The following SLCO4A1 variants were observed in gnomAD, a reference collection of about 807,000 sequenced individuals.
SLCO4A1 encodes solute carrier organic anion transporter family member 4A1.
SLCO4A1 carries 51 observed loss-of-function variants against 64.6 expected under a neutral mutation model. That is an observed-to-expected ratio of 0.79 (90% confidence interval 0.63 to 1.00). The LOEUF is 1.00. Among genes scored for constraint, SLCO4A1 ranks in the 50% least tolerant of loss-of-function variants. SLCO4A1 has a pLI of 0.00. For missense variants in SLCO4A1, 919 were observed against 980.5 expected (o/e 0.94, Z 0.84); for synonymous variants, 471 against 444.9 (o/e 1.06, Z -0.74).
chr20:62,646,752 G>C (rs1981408355), intron 1 of SLCO4A1, among the ~76,000 whole-genome samples: 1 of 152,254 alleles, frequency 6.6e-6, no homozygotes, highest in African/African-American at 2.4e-5. Context: ...TGGAAACTGA[G>C]GCAGAGAGAG....
intron 9 of SLCO4A1, 42 bp downstream of exon 9, chr20:62,668,226 G>A (rs368593541): frequency 6.2e-7 from 1 of 1,605,990 alleles, no homozygotes; most frequent in Non-Finnish European, 8.5e-7. Context: ...AGCTTTCCTT[G>A]CAGCACCCTG....
intron 5 of SLCO4A1, among the ~76,000 whole-genome samples, chr20:62,663,938 C>G (rs898358913): frequency 2.0e-5 from 3 of 152,204 alleles, no homozygotes; most frequent in Non-Finnish European, 4.4e-5. Context: ...AGCGGTTGGG[C>G]GTTAGCCCTG....
At chr20:62,662,189 G>A (rs1985087185) in intron 5 of SLCO4A1, among the ~76,000 whole-genome samples, 1 of 152,150 alleles carries the variant, frequency 6.6e-6, no homozygotes, top group African/African-American at 2.4e-5. Context: ...CGGCAGAGAG[G>A]AGCAGGGCTG....
At chr20:62,652,195 G>C (rs970171200) in intron 1 of SLCO4A1, 12 of 152,094 alleles carry the variant, frequency 7.9e-5, no homozygotes, top group East Asian at 3.9e-4. Flanking sequence ...CCGGAAATGA[G>C]GTCAAGTTTC....
At chr20:62,666,757 C>T in intron 7 of SLCO4A1, 182 bp downstream of exon 7, 7 of 616,198 alleles carry the variant, frequency 1.1e-5, no homozygotes, top group South Asian at 9.5e-5. Context: ...GAAAAGGCAC[C>T]ATGCCAGCCC....
At position 62,668,967 on chromosome 20, in the gene SLCO4A1, C is replaced by G; in HGVS notation, c.1914C>G (p.Ile638Met). 6.2e-7 allele frequency: 1 copy of G among 1,608,904 alleles called. No individual in the cohort carries two copies. The highest frequency in any genetic ancestry group is 8.5e-7 in the Non-Finnish European group (1 of 1,179,960). ...GGCCCATCGCCTTCGGCTGGGTGAT[C>G]GACAAGGCCTGTCTGCTGTGGCAGG... is the stretch of plus-strand genomic sequence containing the variant. ...IPGPIAFGWV[I>M]DKACLLWQDQ... Residue 638 changes from isoleucine (I) to methionine (M), a missense_variant, in exon 11 of 12, where the codon ATC becomes ATG. By Grantham distance (10) the Ile-to-Met change is conservative (BLOSUM62 1). Coordinates refer to ENST00000217159, the MANE Select transcript of SLCO4A1 (RefSeq NM_016354.4).
At chr20:62,686,356 C>T (rs1000698181), downstream of SLCO4A1, among the ~76,000 whole-genome samples, 11 of 152,210 alleles carry the variant, frequency 7.2e-5, no homozygotes, top group African/African-American at 2.4e-4. Flanking sequence ...CGCAGAGCGG[C>T]GTGGAGCTCG....
chr20:62,668,241 G>A lies in SLCO4A1; in HGVS notation c.1811+57G>A, dbSNP rs545717564. Reference sequence around the variant, plus strand: ...AGCTTTCCTTGCAGCACCCTGAGGCGGAGCTCTGCAGATCCTGAGACAGGA... The same window carrying A: ...AGCTTTCCTTGCAGCACCCTGAGGCAGAGCTCTGCAGATCCTGAGACAGGA... On this transcript the variant is annotated intron_variant, in intron 9 of 11. Transcript: ENST00000217159. 5.8e-4 allele frequency: 918 copies of A among 1,586,896 alleles called. 16 individuals are homozygous for A. The South Asian group carries it at 8.4e-3, about 14-fold the overall frequency.
At chr20:62,674,263 G>A (rs981259073), downstream of SLCO4A1, among the ~76,000 whole-genome samples, 3 of 152,222 alleles carry the variant, frequency 2.0e-5, no homozygotes, top group African/African-American at 7.2e-5. Context: ...ACCTGTCAGA[G>A]GCGTGTGGCA....
Position 62,668,128 on chromosome 20 carries a change from C to G in SLCO4A1, c.1755C>G (p.Phe585Leu). ...QRKPLLLVFI[F>L]VVIFFTFLSS... ...AGCCCCTCCTTCTGGTTTTCATATT[C>G]GTTGTAATTTTCTTTACATTCCTCA... Residue 585 changes from phenylalanine to leucine, a missense_variant, in exon 9 of 12, where the codon TTC becomes TTG. By Grantham distance (22) the Phe-to-Leu change is conservative. Coordinates refer to ENST00000217159, the MANE Select transcript of SLCO4A1 (RefSeq NM_016354.4). 1 of 1,614,002 alleles carries G rather than the reference C, an allele frequency of 6.2e-7. No homozygotes were observed. Among genetic ancestry groups the G allele is most frequent in the Non-Finnish European group, 8.5e-7 (1 of 1,180,032 alleles).
intron 5 of SLCO4A1, among the ~76,000 whole-genome samples, chr20:62,662,724 A>C (rs1250864856): frequency 2.0e-5 from 3 of 148,922 alleles, no homozygotes; most frequent in South Asian, 2.1e-4. Context: ...GGACTCCCCC[A>C]GGGTGCCCAC....
At chr20:62,676,805 AATG>A (rs1343968021), downstream of SLCO4A1, among the ~76,000 whole-genome samples, 1 of 152,236 alleles carries the variant, frequency 6.6e-6, no homozygotes, top group Admixed American at 6.5e-5. Flanking sequence ...ACCCAAGAGA[AATG>A]AAGACATATG....
rs1055147740 is a variant in SLCO4A1, at chr20:62,644,243, C to G, written c.-97+1690C>G. On this transcript the variant is annotated intron_variant, in intron 1 of 11. Transcript: ENST00000217159. This position sits in a 1 kb window ranked among gnomAD's most constrained non-coding sequence, Gnocchi z 5.4. The stretch of plus-strand genomic sequence containing the variant: ...GGCAGAGGCCGGCCACTCGGTGAGA[C>G]CTGGACGCTGACCACAGCCAGGCTG... 2.0e-5 allele frequency among the ~76,000 whole-genome samples: 3 copies of G among 152,250 alleles called. No homozygotes were observed. The highest frequency in any genetic ancestry group is 4.4e-5 in the Non-Finnish European group (3 of 68,046).
downstream of SLCO4A1, among the ~76,000 whole-genome samples, chr20:62,686,076 A>G (rs2147119166): frequency 6.6e-6 from 1 of 152,256 alleles, no homozygotes; most frequent in South Asian, 2.1e-4. Flanking sequence ...CCCTGCGTCC[A>G]TTCCTGTTTA....
intron 5 of SLCO4A1, among the ~76,000 whole-genome samples, chr20:62,664,541 T>A (rs1440635872): frequency 6.6e-6 from 1 of 152,032 alleles, no homozygotes; most frequent in Non-Finnish European, 1.5e-5. Context: ...TCACTTGGGG[T>A]CTCTCCCCAC....
At chr20:62,654,446 G>C (rs989297340) in intron 1 of SLCO4A1, among the ~76,000 whole-genome samples, 8 of 151,996 alleles carry the variant, frequency 5.3e-5, no homozygotes, top group Non-Finnish European at 4.4e-5. Flanking sequence ...GTGAGGAGCT[G>C]CCAGGAGGAT....
Position 62,656,621 on chromosome 20 carries a change from A to AG in SLCO4A1, c.168dup (p.Gln57AlafsTer18). On this transcript the variant is annotated frameshift_variant, in exon 2 of 12. Coordinates refer to ENST00000217159, the MANE Select transcript of SLCO4A1 (RefSeq NM_016354.4). LOFTEE classifies it high-confidence loss of function. ...GCCCATAGCCCCCTGGACACCAGCA[A>AG]GCAGCCCCTCTGCCAGCTCTGGGCC... is the stretch of plus-strand genomic sequence containing the variant. 1 of 1,601,002 alleles carries AG rather than the reference A, an allele frequency of 6.2e-7. No individual in the cohort carries two copies.
intron 1 of SLCO4A1, 72 bp from the exon 2 acceptor site, chr20:62,656,287 G>A (rs1983696669): frequency 1.6e-6 from 1 of 619,452 alleles, no homozygotes; most frequent in South Asian, 2.2e-5. Context: ...TGGGTGTGCT[G>A]GAATGTTCCC....
chr20:62,643,692 T>C (rs1412482554), intron 1 of SLCO4A1, among the ~76,000 whole-genome samples: 1 of 152,254 alleles, frequency 6.6e-6, no homozygotes, highest in Admixed American at 6.5e-5. Context: ...GACGTTTTCA[T>C]TCCCAGCAGC....
Sources: gnomAD v4.1 joint callset for allele counts (sites outside exome capture counted in the v4.1 genomes callset) on GRCh38, gnomAD v4.1.1 for gene constraint, Gnocchi (gnomAD v3.1) non-coding constraint, MANE v1.5 for transcripts, NCBI Gene and HGNC (gene_info 2026-07-23, HGNC 2026-07-21) for gene names.